Variants in ZNG1E observed in about 807,000 individuals in gnomAD.
The protein encoded by ZNG1E is Zn regulated GTPase metalloprotein activator 1E.
At chr9:65,680,882 G>A in the ZNG1E span, among the ~76,000 whole-genome samples, 62 of 152,126 alleles carry the variant, frequency 4.1e-4, no homozygotes, top group Admixed American at 1.6e-3. Context: ...TCCGCCTCCC[G>A]GGTTCACGCC....
the ZNG1E span, among the ~76,000 whole-genome samples, chr9:65,659,516 A>G: frequency 1.3e-5 from 2 of 149,500 alleles, no homozygotes; most frequent in African/African-American, 2.5e-5. Flanking sequence ...AAAAAAAAAG[A>G]GAGAGAAAAG....
the ZNG1E span, among the ~76,000 whole-genome samples, chr9:65,681,330 G>A: frequency 0.039 from 5,884 of 149,064 alleles, 20 homozygotes; most frequent in African/African-American, 0.14. Context: ...GGCCTAAGGA[G>A]GAAGTAGGTA....
chr9:65,675,665 C>T, the ZNG1E span: 27 of 536,368 alleles, frequency 5.0e-5, no homozygotes, highest in Admixed American at 1.1e-4. Context: ...AGGCTCTAGG[C>T]GCCAGTGACA....
the ZNG1E span, among the ~76,000 whole-genome samples, chr9:65,664,233 CTT>C: frequency 6.6e-6 from 1 of 151,834 alleles, no homozygotes; most frequent in African/African-American, 2.4e-5. Flanking sequence ...AAACATAAAA[CTT>C]AATCTAAACG....
the ZNG1E span, among the ~76,000 whole-genome samples, chr9:65,671,606 C>T: frequency 9.9e-5 from 15 of 152,218 alleles, no homozygotes; most frequent in South Asian, 2.1e-4. Context: ...AGGCATGAGC[C>T]ACTGTGTCTG....
At chr9:65,680,852 A>G in the ZNG1E span, among the ~76,000 whole-genome samples, 2 of 152,012 alleles carry the variant, frequency 1.3e-5, no homozygotes, top group Non-Finnish European at 2.9e-5. Flanking sequence ...GCAGTGGCAC[A>G]GTCTCGGGTC....
At chr9:65,684,405 C>T in the ZNG1E span, among the ~76,000 whole-genome samples, 8 of 151,870 alleles carry the variant, frequency 5.3e-5, no homozygotes, top group South Asian at 4.2e-4. Context: ...GGCGTTGTGG[C>T]GCACCCCATA....
chr9:65,663,226 C>T, the ZNG1E span, among the ~76,000 whole-genome samples: 2 of 152,234 alleles, frequency 1.3e-5, no homozygotes, highest in African/African-American at 4.8e-5. Flanking sequence ...ATTTAATCTC[C>T]CAGGAATGTA....
the ZNG1E span, among the ~76,000 whole-genome samples, chr9:65,680,922 G>A: frequency 6.6e-6 from 1 of 152,196 alleles, no homozygotes; most frequent in South Asian, 2.1e-4. Context: ...CTGAGTAGCT[G>A]GGACTACAGG....
At chr9:65,671,507 A>G in the ZNG1E span, among the ~76,000 whole-genome samples, 171 of 151,822 alleles carry the variant, frequency 1.1e-3, no homozygotes, top group Admixed American at 9.2e-3. Context: ...TTTAGTATAG[A>G]TGGGGTTTTG....
At chr9:65,660,876 A>T in the ZNG1E span, among the ~76,000 whole-genome samples, 3 of 146,038 alleles carry the variant, frequency 2.1e-5, no homozygotes, top group Non-Finnish European at 4.5e-5. Flanking sequence ...TTATATATAA[A>T]TAAATACATA....
chr9:65,672,219 G>T, the ZNG1E span, among the ~76,000 whole-genome samples: 56 of 151,684 alleles, frequency 3.7e-4, no homozygotes, highest in Non-Finnish European at 7.7e-4. Context: ...CATTTAATGT[G>T]CTTAACACAG....
the ZNG1E span, among the ~76,000 whole-genome samples, chr9:65,715,060 C>T: frequency 4.7e-5 from 7 of 149,308 alleles, no homozygotes; most frequent in Non-Finnish European, 8.8e-5. Flanking sequence ...ACTCCGTGGG[C>T]GTGGGACTCT....
At chr9:65,709,135 T>C in the ZNG1E span, among the ~76,000 whole-genome samples, 2 of 146,628 alleles carry the variant, frequency 1.4e-5, no homozygotes, top group Non-Finnish European at 3.0e-5. Flanking sequence ...TGTTTGGAAA[T>C]CATATTGCAT....
At chr9:65,679,992 A>AT in the ZNG1E span, among the ~76,000 whole-genome samples, 1 of 152,288 alleles carries the variant, frequency 6.6e-6, no homozygotes, top group African/African-American at 2.4e-5. Context: ...AAAACTCAAT[A>AT]TTTTAAAAAG....
At chr9:65,709,474 T>G in the ZNG1E span, among the ~76,000 whole-genome samples, 1,005 of 123,594 alleles carry the variant, frequency 8.1e-3, no homozygotes, top group African/African-American at 0.029. Flanking sequence ...CTAGCATTAG[T>G]TATATCTCCC....
At chr9:65,667,179 C>T in the ZNG1E span, among the ~76,000 whole-genome samples, 1 of 152,224 alleles carries the variant, frequency 6.6e-6, no homozygotes, top group Admixed American at 6.5e-5. Flanking sequence ...CACAAACCAG[C>T]ACTATTATCA....
the ZNG1E span, among the ~76,000 whole-genome samples, chr9:65,656,664 C>T: frequency 5.9e-5 from 9 of 152,270 alleles, no homozygotes; most frequent in African/African-American, 2.2e-4. Flanking sequence ...AAACTTACTT[C>T]CTGGAGAACA....
the ZNG1E span, among the ~76,000 whole-genome samples, chr9:65,665,363 G>A: frequency 1.3e-4 from 20 of 152,360 alleles, no homozygotes; most frequent in Non-Finnish European, 2.4e-4. Flanking sequence ...GTACAGCTCT[G>A]TCTGTTGCTT....
Sources: allele counts gnomAD v4.1 joint callset (sites outside exome capture counted in the v4.1 genomes callset), GRCh38; gene constraint gnomAD v4.1.1; transcripts MANE v1.5; gene names NCBI Gene and HGNC (gene_info 2026-07-23, HGNC 2026-07-21).